STARD13: variants seen among roughly 807,000 people sequenced by gnomAD.
STARD13 encodes stAR-related lipid transfer protein 13.
In STARD13, 62 loss-of-function variants were observed where a neutral mutation model predicts 106.4. That is an observed-to-expected ratio of 0.58 (90% confidence interval 0.48 to 0.72). The LOEUF is 0.72. Ranked by LOEUF, STARD13 falls within the 30% of genes least tolerant of loss-of-function variation. The probability of loss-of-function intolerance (pLI) is 0.00; values close to 1 mark genes in which losing one functional copy is unlikely to be tolerated. For synonymous variants in STARD13, 565 were observed against 553.0 expected (o/e 1.02, Z -0.31); for missense variants, 1,387 against 1,424.0 (o/e 0.97, Z 0.42).
chr13:33,352,194 C>G (rs1396486506), upstream of STARD13, among the ~76,000 whole-genome samples: 1 of 152,182 alleles, frequency 6.6e-6, no homozygotes, highest in Non-Finnish European at 1.5e-5. Context: ...GCTTTCTGGA[C>G]ACAAGCCAAA....
intron 5 of STARD13, among the ~76,000 whole-genome samples, chr13:33,128,719 G>A (rs1877636442): frequency 6.6e-6 from 1 of 152,078 alleles, no homozygotes; most frequent in Non-Finnish European, 1.5e-5. Flanking sequence ...TAAAGGATAA[G>A]CACAAATAAA....
At chr13:33,333,428 C>T (rs138589969) in intron 1 of STARD13, among the ~76,000 whole-genome samples, 83 of 152,248 alleles carry the variant, frequency 5.5e-4, no homozygotes, top group Middle Eastern at 3.4e-3. Context: ...ATGCCTTCTC[C>T]ATTTCCCTCC....
the STARD13 span, among the ~76,000 whole-genome samples, chr13:33,673,000 T>C: frequency 2.0e-5 from 3 of 152,208 alleles, no homozygotes; most frequent in East Asian, 5.8e-4. Context: ...AATTTAAGCA[T>C]ATGCATAAGT....
At chr13:33,350,538 G>A (rs1175974806) in exon 1 of STARD13, 2 of 1,437,916 alleles carry the variant, frequency 1.4e-6, no homozygotes, top group Non-Finnish European at 9.1e-7. Context: ...GGGACCCAAT[G>A]CGGGCGCGAC....
At chr13:33,188,671 A>G (rs138271222) in intron 1 of STARD13, among the ~76,000 whole-genome samples, 1 of 152,348 alleles carries the variant, frequency 6.6e-6, no homozygotes, top group East Asian at 1.9e-4. Context: ...AACTATTTCA[A>G]TTGACTGAAT....
chr13:33,200,499 C>A (rs1425344006), intron 1 of STARD13, among the ~76,000 whole-genome samples: 3 of 152,210 alleles, frequency 2.0e-5, no homozygotes, highest in Admixed American at 6.5e-5. Flanking sequence ...TCTCAGGACT[C>A]CACTTTCCCC....
the STARD13 span, among the ~76,000 whole-genome samples, chr13:33,654,426 A>G: frequency 6.6e-6 from 1 of 152,188 alleles, no homozygotes; most frequent in African/African-American, 2.4e-5. Flanking sequence ...GCAAATCTAT[A>G]GAGACAGAAA....
chr13:33,565,105 AT>A, the STARD13 span, among the ~76,000 whole-genome samples: 1 of 147,710 alleles, frequency 6.8e-6, no homozygotes, highest in African/African-American at 2.5e-5. Context: ...TGGGCACAAA[AT>A]TTAGTGAAAT....
intron 5 of STARD13, among the ~76,000 whole-genome samples, chr13:33,127,882 T>A (rs200154194): frequency 3.1e-3 from 102 of 33,002 alleles, no homozygotes; most frequent in South Asian, 0.013. Context: ...TGTGTGTGTA[T>A]GTGAGAGAGA....
chr13:33,227,027 C>CTTAATTA (rs1336001871), intron 1 of STARD13, among the ~76,000 whole-genome samples: 89 of 152,276 alleles, frequency 5.8e-4, no homozygotes, highest in Non-Finnish European at 1.1e-3. Context: ...AGAACCTCTG[C>CTTAATTA]CCCAGAGAAA....
At chr13:33,438,736 T>G in the STARD13 span, among the ~76,000 whole-genome samples, 14 of 152,252 alleles carry the variant, frequency 9.2e-5, no homozygotes, top group African/African-American at 3.4e-4. Flanking sequence ...ATCCCAGAGA[T>G]CCAATGCTCA....
At chr13:33,346,159 G>A (rs1183847961), downstream of STARD13, among the ~76,000 whole-genome samples, 1 of 152,198 alleles carries the variant, frequency 6.6e-6, no homozygotes, top group Admixed American at 6.5e-5. Context: ...CCAGCCAACA[G>A]CCAGAGAGAA....
At chr13:33,197,115 G>A (rs767554630) in intron 1 of STARD13, among the ~76,000 whole-genome samples, 3 of 152,160 alleles carry the variant, frequency 2.0e-5, no homozygotes, top group Non-Finnish European at 4.4e-5. Flanking sequence ...CTGCTTCCCA[G>A]CCTTTTTCAC....
chr13:33,532,373 T>A, the STARD13 span, among the ~76,000 whole-genome samples: 1 of 152,194 alleles, frequency 6.6e-6, no homozygotes, highest in Non-Finnish European at 1.5e-5. Context: ...TTTTAAAAAA[T>A]TAAAACCCAG....
intron 1 of STARD13, among the ~76,000 whole-genome samples, chr13:33,197,066 C>G (rs1040553596): frequency 1.3e-5 from 2 of 152,188 alleles, no homozygotes; most frequent in African/African-American, 4.8e-5. Flanking sequence ...AGGCTGGGGC[C>G]ACTGTGCCGG....
rs527470312 is a variant in STARD13, at chr13:33,138,971, G to A, written c.387+3339C>T. The A allele has an allele frequency of 1.1e-4, 39 of 365,816 alleles. 1 individual carries two copies. Among genetic ancestry groups the A allele is most frequent in the South Asian group, 7.9e-4 (38 of 48,284 alleles). The allele number at this position is 365,816 out of a possible 1,614,324, so 22.7% of individuals were successfully genotyped here. On this transcript the variant is annotated intron_variant, in intron 4 of 13. Coordinates refer to ENST00000336934, the MANE Select transcript of STARD13 (RefSeq NM_178006.4). Reference sequence around the variant, plus strand: ...ATAAGAAAGGTGTATGGCTAACCAGGCATGAAAAAGCCTTCATCACCATCA... The same window carrying A: ...ATAAGAAAGGTGTATGGCTAACCAGACATGAAAAAGCCTTCATCACCATCA...
rs1173342329 is a variant in STARD13, at chr13:33,163,603, A to AT, written c.323+1733_323+1734insA. Reference sequence around the variant, plus strand: ...AGACTCTGTCTCAAAAAAAAAAAAAAAAATATATATATATATATATAAAAC... The same window carrying AT: ...AGACTCTGTCTCAAAAAAAAAAAAAATAAATATATATATATATATATAAAAC... On this transcript the variant is annotated intron_variant, in intron 3 of 13. Transcript: ENST00000336934. 1.1e-3 allele frequency among the ~76,000 whole-genome samples: 141 copies of AT among 126,742 alleles called. 1 individual carries two copies. Among genetic ancestry groups the AT allele is most frequent in the Middle Eastern group, 7.8e-3 (2 of 258 alleles). The allele number at this position is 126,742 out of a possible 152,430, so 83.1% of individuals were successfully genotyped here. A position where few individuals can be genotyped will look rare whatever the true frequency, so the allele number is the denominator to read the frequency against.
the STARD13 span, among the ~76,000 whole-genome samples, chr13:33,402,712 A>C: frequency 6.6e-6 from 1 of 152,268 alleles, no homozygotes; most frequent in South Asian, 2.1e-4. Context: ...AAAGCAGATG[A>C]ACAGTGGAAC....
chr13:33,429,981 G>T, the STARD13 span, among the ~76,000 whole-genome samples: 3 of 151,476 alleles, frequency 2.0e-5, no homozygotes, highest in Non-Finnish European at 4.4e-5. Flanking sequence ...GCAGTGGCGC[G>T]ATCTCGGCTC....
Sources: allele counts gnomAD v4.1 joint callset (sites outside exome capture counted in the v4.1 genomes callset), GRCh38; gene constraint gnomAD v4.1.1; transcripts MANE v1.5; gene names NCBI Gene and HGNC (gene_info 2026-07-23, HGNC 2026-07-21).